Variants in HIVEP3 observed in about 807,000 individuals in gnomAD.
The protein encoded by HIVEP3 is transcription factor HIVEP3.
In HIVEP3, 49 loss-of-function variants were observed where a neutral mutation model predicts 152.8. The observed-to-expected ratio is 0.32, with a 90% CI of 0.26 to 0.41. The LOEUF (loss-of-function observed/expected upper bound fraction) is 0.41, where lower values mean the gene tolerates loss of function less well. HIVEP3 is among the 10% of genes least tolerant of loss of function. The pLI is 1.00. For synonymous variants in HIVEP3, 1,269 were observed against 1,289.0 expected (o/e 0.98, Z 0.33); for missense variants, 2,790 against 3,103.3 (o/e 0.90, Z 2.40).
chr1:41,681,886 C>A (rs1391132260), intron 2 of HIVEP3, among the ~76,000 whole-genome samples: 2 of 152,226 alleles, frequency 1.3e-5, no homozygotes, highest in Non-Finnish European at 2.9e-5. Context: ...GATTCATTTA[C>A]AAATCTGCTC....
chr1:41,742,035 T>A (rs1281267165), intron 1 of HIVEP3, among the ~76,000 whole-genome samples: 1 of 152,260 alleles, frequency 6.6e-6, no homozygotes, highest in Non-Finnish European at 1.5e-5. Context: ...TAGAATTGAT[T>A]CTGACTTGTA....
In HIVEP3 at chr1:41,560,738, G is replaced by T. The variant is rs578215169; in HGVS notation, c.5207+14806C>A. Among the ~76,000 whole-genome samples the T allele has an allele frequency of 1.5e-4, 23 of 152,298 alleles. No individual in the cohort carries two copies. In the East Asian group the frequency reaches 4.2e-3, roughly 28 times the overall value. On this transcript the variant is annotated intron_variant, in intron 5 of 8. Coordinates refer to ENST00000372583, the MANE Select transcript of HIVEP3 (RefSeq NM_024503.5). Reference sequence around the variant, plus strand: ...CTCCTCCAAGAGACTCCAGGCTGTGGGTAGAGAGGTGCTTTCTCTCTCATC... The same window carrying T: ...CTCCTCCAAGAGACTCCAGGCTGTGTGTAGAGAGGTGCTTTCTCTCTCATC...
rs770648746 is a variant in HIVEP3 at position 41,584,595 on chromosome 1, T to G, written c.203A>C (p.Glu68Ala). The change falls in exon 4 of 9, where the codon GAA (glutamate) becomes GCA (alanine). Residue 68 changes from glutamate (E) to alanine (A), a missense_variant. Around this residue, in one of 9 missense-constraint regions of HIVEP3, gnomAD observed 209 missense variants for 237.0 expected, o/e 0.88. Transcript: ENST00000372583. This position sits in a 1 kb window ranked among gnomAD's most constrained non-coding sequence, Gnocchi z 5.2. ...PFPGPSSVLREGSQEKTGQQQ... is the reference protein window; with the variant it reads ...PFPGPSSVLRAGSQEKTGQQQ... Reference sequence around the variant, plus strand: ...CTGGCCCGTTTTCTCCTGAGAGCCTTCCCTAAGAACTGATGAGGGGCCCGG... The same window carrying G: ...CTGGCCCGTTTTCTCCTGAGAGCCTGCCCTAAGAACTGATGAGGGGCCCGG... 2 of 1,613,800 alleles carry G rather than the reference T, an allele frequency of 1.2e-6. No homozygotes were observed. Among genetic ancestry groups the G allele is most frequent in the East Asian group, 4.5e-5 (2 of 44,880 alleles).
chr1:42,027,071 T>C (rs1432017497), intron 1 of HIVEP3, among the ~76,000 whole-genome samples: 2 of 152,198 alleles, frequency 1.3e-5, no homozygotes, highest in Non-Finnish European at 2.9e-5. Flanking sequence ...GTTTTCAAGG[T>C]TCTGTTGTTG....
intron 1 of HIVEP3, among the ~76,000 whole-genome samples, chr1:41,983,061 C>T (rs1335873961): frequency 6.6e-6 from 1 of 152,176 alleles, no homozygotes; most frequent in African/African-American, 2.4e-5. Context: ...CCCTTGCATG[C>T]GCAGTTCACA....
At chr1:41,932,252 G>C (rs1164648053) in intron 1 of HIVEP3, among the ~76,000 whole-genome samples, 1 of 151,350 alleles carries the variant, frequency 6.6e-6, no homozygotes, top group Non-Finnish European at 1.5e-5. Flanking sequence ...TAATTTCATT[G>C]GTTGATTTTT....
chr1:41,513,325 T>C lies in HIVEP3; in HGVS notation c.5896A>G (p.Arg1966Gly). The change falls in exon 8 of 9, where the codon AGA (arginine) becomes GGA (glycine). Residue 1966 changes from arginine (R) to glycine (G), a missense_variant. Physicochemically the swap from Arg to Gly is moderately radical, Grantham distance 125 (BLOSUM62 -2). Coordinates refer to ENST00000372583, the MANE Select transcript of HIVEP3 (RefSeq NM_024503.5). ...SALSYKPVSP[R>G]RPWSPSKEAG... ...TCTTTGCTTGGGGACCACGGTCTTCTTGGGGACACAGGCTTGTAGCTCAAG... is the reference window on the plus strand; with the variant it reads ...TCTTTGCTTGGGGACCACGGTCTTCCTGGGGACACAGGCTTGTAGCTCAAG... 5 of 1,612,984 alleles carry C rather than the reference T, an allele frequency of 3.1e-6. No homozygotes were observed. Among genetic ancestry groups the C allele is most frequent in the Non-Finnish European group, 4.2e-6 (5 of 1,179,970 alleles).
rs1377252408 is a variant in HIVEP3 at position 41,664,501 on chromosome 1, T to C, written c.-720-35554A>G. On this transcript the variant is annotated intron_variant, in intron 2 of 8. Transcript: ENST00000372583. The surrounding 1 kb of genome is among the most constrained non-coding windows in gnomAD (Gnocchi z 4.4). ...GTTCCTGCCTCTACAGACTTGCCCATCACCTCACATTGAAGTCAGTTATTG... is the reference window on the plus strand; with the variant it reads ...GTTCCTGCCTCTACAGACTTGCCCACCACCTCACATTGAAGTCAGTTATTG... Among the ~76,000 whole-genome samples, 1 of 152,240 alleles carries C rather than the reference T, an allele frequency of 6.6e-6. No homozygotes were observed. The highest frequency in any genetic ancestry group is 1.5e-5 in the Non-Finnish European group (1 of 68,046).
chr1:42,018,399 T>C (rs531842937), intron 1 of HIVEP3, among the ~76,000 whole-genome samples: 25 of 151,818 alleles, frequency 1.6e-4, no homozygotes, highest in Non-Finnish European at 3.4e-4. Flanking sequence ...CTAGAATTGA[T>C]ATTTGTGAAT....
At chr1:41,859,559 C>T (rs897761960) in intron 1 of HIVEP3, among the ~76,000 whole-genome samples, 4 of 152,170 alleles carry the variant, frequency 2.6e-5, no homozygotes, top group African/African-American at 9.7e-5. Flanking sequence ...CATCCTACCT[C>T]CACCACTGGC....
chr1:41,527,535 TCACGTATACACCCC>T (rs1253922810), intron 5 of HIVEP3, among the ~76,000 whole-genome samples: 4 of 102,440 alleles, frequency 3.9e-5, no homozygotes, highest in Non-Finnish European at 7.9e-5. Context: ...ATGCTCACCC[TCACGTATACACCCC>T]CACACCCTCA....
intron 1 of HIVEP3, among the ~76,000 whole-genome samples, chr1:42,003,366 C>T (rs751232544): frequency 1.2e-4 from 18 of 152,150 alleles, no homozygotes; most frequent in Non-Finnish European, 2.4e-4. Flanking sequence ...CGTGAGCCAA[C>T]GTGCCCCACC....
chr1:41,589,819 C>T (rs1287173693), intron 3 of HIVEP3, among the ~76,000 whole-genome samples: 7 of 152,232 alleles, frequency 4.6e-5, no homozygotes. Context: ...TACTTACACA[C>T]ACACACCCCC....
chr1:42,020,636 A>G (rs757949686), intron 1 of HIVEP3, among the ~76,000 whole-genome samples: 3 of 152,224 alleles, frequency 2.0e-5, no homozygotes, highest in Non-Finnish European at 2.9e-5. Context: ...ATTTCATTTA[A>G]TAAGTCATTC....
At chr1:41,805,445 C>A (rs1650545397) in intron 1 of HIVEP3, among the ~76,000 whole-genome samples, 1 of 152,240 alleles carries the variant, frequency 6.6e-6, no homozygotes, top group Admixed American at 6.5e-5. Flanking sequence ...CTGGTATCTA[C>A]ACGTGCCCTT....
At chr1:41,742,824 T>G (rs75569982) in intron 1 of HIVEP3, among the ~76,000 whole-genome samples, 1 of 152,174 alleles carries the variant, frequency 6.6e-6, no homozygotes, top group African/African-American at 2.4e-5. Flanking sequence ...ATTTGCAGTC[T>G]GTGTTGGTTT....
chr1:41,939,127 T>C (rs756607042), intron 1 of HIVEP3, among the ~76,000 whole-genome samples: 4 of 152,226 alleles, frequency 2.6e-5, no homozygotes, highest in Non-Finnish European at 5.9e-5. Context: ...ATAAGGCCTC[T>C]CTTTAAATGA....
At position 41,511,599 on chromosome 1, in the gene HIVEP3, TG is replaced by T. The variant is rs781259688; in HGVS notation, c.6406-334del. ...GTCACCCATGAGCCTGGCCTCTATG[TG>T]GGTCTGCTGCCTGTCCTGTTCCTAA... On this transcript the variant is annotated intron_variant, in intron 8 of 8. Coordinates refer to ENST00000372583, the MANE Select transcript of HIVEP3 (RefSeq NM_024503.5). The surrounding 1 kb of genome is among the most constrained non-coding windows in gnomAD (Gnocchi z 4.9). Among the ~76,000 whole-genome samples the T allele has an allele frequency of 2.6e-5, 4 of 152,234 alleles. No individual in the cohort carries two copies. Among genetic ancestry groups the T allele is most frequent in the Non-Finnish European group, 5.9e-5 (4 of 68,036 alleles).
At chr1:41,813,141 C>T (rs759873270) in intron 1 of HIVEP3, among the ~76,000 whole-genome samples, 23 of 152,134 alleles carry the variant, frequency 1.5e-4, no homozygotes, top group Non-Finnish European at 2.6e-4. Flanking sequence ...CAAGTTCAAG[C>T]GATTCTTCTG....
Sources: gnomAD v4.1 joint callset for allele counts (sites outside exome capture counted in the v4.1 genomes callset) on GRCh38, gnomAD v4.1.1 for gene constraint, gnomAD v4.1.1 regional missense constraint, Gnocchi (gnomAD v3.1) non-coding constraint, MANE v1.5 for transcripts, NCBI Gene and HGNC (gene_info 2026-07-23, HGNC 2026-07-21) for gene names.